SRPK2: variants seen among roughly 807,000 people sequenced by gnomAD.
SRPK2 encodes the protein SFRS protein kinase 2.
A neutral mutation model predicts 90.8 loss-of-function variants in SRPK2; 21 were observed. The observed-to-expected ratio is 0.23, with a 90% CI of 0.16 to 0.33. The LOEUF is 0.33. Among genes scored for constraint, SRPK2 ranks in the 10% least tolerant of loss-of-function variants. The probability of loss-of-function intolerance (pLI) is 1.00; values close to 1 mark genes in which losing one functional copy is unlikely to be tolerated. For missense variants in SRPK2, 620 were observed against 869.0 expected (o/e 0.71, Z 3.60); for synonymous variants, 288 against 311.1 (o/e 0.93, Z 0.78).
At chr7:105,193,839 A>C (rs768321270) in intron 3 of SRPK2, among the ~76,000 whole-genome samples, 2 of 152,236 alleles carry the variant, frequency 1.3e-5, no homozygotes, top group African/African-American at 2.4e-5. Context: ...GTAACTAGCT[A>C]CTATCAATGT....
intron 2 of SRPK2, among the ~76,000 whole-genome samples, chr7:105,262,630 A>C (rs557001550): frequency 3.9e-5 from 6 of 152,298 alleles, no homozygotes; most frequent in African/African-American, 7.2e-5. Flanking sequence ...ACAAGACTAT[A>C]ATCAGTGGGA....
intron 2 of SRPK2, chr7:105,306,550 G>A (rs1563218667): frequency 2.3e-6 from 1 of 443,398 alleles, no homozygotes; most frequent in African/African-American, 2.0e-5. Flanking sequence ...TTCTACCCTT[G>A]AAGCAGCAGG....
At chr7:105,386,500 A>T (rs569834898) in intron 2 of SRPK2, among the ~76,000 whole-genome samples, 5 of 152,030 alleles carry the variant, frequency 3.3e-5, no homozygotes, top group Non-Finnish European at 4.4e-5. Context: ...AATCACCTGA[A>T]GTCAGGAGTT....
chr7:105,147,490 T>C (rs1279465416), intron 7 of SRPK2, among the ~76,000 whole-genome samples: 1 of 151,956 alleles, frequency 6.6e-6, no homozygotes, highest in Non-Finnish European at 1.5e-5. Context: ...GCTAATTTTT[T>C]TTGTATTTTT....
At chr7:105,328,294 G>C (rs1813831196) in intron 2 of SRPK2, among the ~76,000 whole-genome samples, 1 of 152,132 alleles carries the variant, frequency 6.6e-6, no homozygotes. Flanking sequence ...GGGGGCAGTG[G>C]CTCACACCTG....
At chr7:105,233,855 A>C (rs7794960) in intron 2 of SRPK2, among the ~76,000 whole-genome samples, 2,195 of 152,254 alleles carry the variant, frequency 0.014, 21 homozygotes, top group South Asian at 0.04. Context: ...CCGTCTCAAA[A>C]AAAATGAAAA....
At chr7:105,176,039 A>G (rs1362445856) in intron 3 of SRPK2, among the ~76,000 whole-genome samples, 1 of 152,194 alleles carries the variant, frequency 6.6e-6, no homozygotes, top group Non-Finnish European at 1.5e-5. Context: ...AAAACTGCAG[A>G]CCAATTTTCC....
chr7:105,135,711 C>T (rs759256324), intron 11 of SRPK2, among the ~76,000 whole-genome samples: 2 of 151,928 alleles, frequency 1.3e-5, no homozygotes, highest in South Asian at 4.1e-4. Flanking sequence ...AATTCAATCA[C>T]GCTAGAAGAA....
At chr7:105,277,643 T>C (rs1806697869) in intron 2 of SRPK2, among the ~76,000 whole-genome samples, 2 of 152,310 alleles carry the variant, frequency 1.3e-5, no homozygotes, top group South Asian at 4.1e-4. Flanking sequence ...CCAGTGTTCA[T>C]TACTGAAGTC....
chr7:105,154,583 T>C (rs1368496833), intron 7 of SRPK2, among the ~76,000 whole-genome samples: 1 of 151,916 alleles, frequency 6.6e-6, no homozygotes, highest in Non-Finnish European at 1.5e-5. Flanking sequence ...TACTAGAGGG[T>C]TGCACCCCAA....
intron 11 of SRPK2, among the ~76,000 whole-genome samples, chr7:105,141,658 T>TA (rs1803793903): frequency 2.0e-5 from 3 of 152,170 alleles, no homozygotes; most frequent in Admixed American, 2.0e-4. Flanking sequence ...CTAAACTAAA[T>TA]ATAATGACAT....
intron 2 of SRPK2, among the ~76,000 whole-genome samples, chr7:105,363,777 A>G (rs553124745): frequency 1.4e-4 from 21 of 152,316 alleles, no homozygotes; most frequent in African/African-American, 5.1e-4. Flanking sequence ...AAGACTTGGA[A>G]CCAACCCAAA....
intron 10 of SRPK2, 65 bp downstream of exon 10, chr7:105,143,019 C>G: frequency 1.3e-6 from 2 of 1,554,296 alleles, no homozygotes; most frequent in Non-Finnish European, 1.7e-6. Flanking sequence ...CCATGTTGAC[C>G]TGGCAGAACC....
intron 2 of SRPK2, among the ~76,000 whole-genome samples, chr7:105,260,609 A>C (rs1411667493): frequency 2.0e-5 from 3 of 152,216 alleles, no homozygotes; most frequent in Non-Finnish European, 2.9e-5. Context: ...CACTATTCAC[A>C]ATAGCAAAGA....
intron 2 of SRPK2, among the ~76,000 whole-genome samples, chr7:105,221,947 C>T (rs1212423850): frequency 6.6e-6 from 1 of 152,156 alleles, no homozygotes; most frequent in African/African-American, 2.4e-5. Context: ...AATTTTTACC[C>T]AGATATAATT....
At chr7:105,244,697 A>G in intron 2 of SRPK2, 1 of 1,145,990 alleles carries the variant, frequency 8.7e-7, no homozygotes, top group Non-Finnish European at 1.3e-6. Context: ...CAAGGGCCAA[A>G]AGGTGACCAA....
intron 2 of SRPK2, among the ~76,000 whole-genome samples, chr7:105,246,101 A>T (rs984190119): frequency 2.0e-5 from 3 of 152,172 alleles, no homozygotes; most frequent in Non-Finnish European, 4.4e-5. Flanking sequence ...CTAGAGTAAG[A>T]TTAGGGAACT....
At chr7:105,313,705 T>G (rs1396462480) in intron 2 of SRPK2, among the ~76,000 whole-genome samples, 1 of 150,660 alleles carries the variant, frequency 6.6e-6, no homozygotes, top group Non-Finnish European at 1.5e-5. Flanking sequence ...CAGCAAAGAT[T>G]GCACCACTGC....
intron 2 of SRPK2, among the ~76,000 whole-genome samples, chr7:105,252,204 G>A (rs976565387): frequency 6.6e-6 from 1 of 152,100 alleles, no homozygotes; most frequent in Admixed American, 6.5e-5. Flanking sequence ...ACAAATAACT[G>A]AGTGCAGTTT....
Sources: allele counts gnomAD v4.1 joint callset (sites outside exome capture counted in the v4.1 genomes callset), GRCh38; gene constraint gnomAD v4.1.1; transcripts MANE v1.5; gene names NCBI Gene and HGNC (gene_info 2026-07-23, HGNC 2026-07-21).